Variants in GRID2 observed in about 807,000 individuals in gnomAD.
GRID2 encodes glutamate ionotropic receptor delta type subunit 2, also known as glutamate receptor ionotropic, delta-2.
A neutral mutation model predicts 114.8 loss-of-function variants in GRID2; 33 were observed. That is an observed-to-expected ratio of 0.29 (90% confidence interval 0.22 to 0.38). The LOEUF (loss-of-function observed/expected upper bound fraction) is 0.38. GRID2 is among the 10% of genes least tolerant of loss of function. GRID2 has a pLI of 1.00. For synonymous variants in GRID2, 505 were observed against 449.9 expected (o/e 1.12, Z -1.55); for missense variants, 1,184 against 1,257.7 (o/e 0.94, Z 0.89).
intron 1 of GRID2, among the ~76,000 whole-genome samples, chr4:92,384,580 A>T (rs1729818281): frequency 1.7e-5 from 1 of 57,986 alleles, no homozygotes; most frequent in Non-Finnish European, 3.0e-5. Context: ...TATATAAAAT[A>T]TATTATATTA....
intron 1 of GRID2, among the ~76,000 whole-genome samples, chr4:92,476,503 T>C (rs1722321047): frequency 6.6e-6 from 1 of 152,178 alleles, no homozygotes; most frequent in African/African-American, 2.4e-5. Context: ...ATATTAAAAT[T>C]GAATGATGGC....
chr4:92,394,913 T>G (rs1730420878), intron 1 of GRID2, among the ~76,000 whole-genome samples: 1 of 151,686 alleles, frequency 6.6e-6, no homozygotes, highest in African/African-American at 2.4e-5. Flanking sequence ...AATATTATTT[T>G]TAGTCTTCCT....
chr4:93,586,692 G>A (rs758413265), intron 13 of GRID2, among the ~76,000 whole-genome samples: 5 of 152,050 alleles, frequency 3.3e-5, no homozygotes, highest in South Asian at 4.1e-4. Context: ...TGGAGCTAGG[G>A]TTCAATCCTA....
intron 2 of GRID2, among the ~76,000 whole-genome samples, chr4:93,007,898 G>A (rs961527436): frequency 1.3e-5 from 2 of 151,628 alleles, no homozygotes; most frequent in Admixed American, 1.3e-4. Flanking sequence ...AAAATTAGCT[G>A]GCCATCATGG....
At chr4:92,793,206 C>T (rs771940087) in intron 2 of GRID2, among the ~76,000 whole-genome samples, 42 of 151,726 alleles carry the variant, frequency 2.8e-4, no homozygotes, top group Non-Finnish European at 5.2e-4. Context: ...CACTGCTTGT[C>T]ACTTTCACAT....
chr4:92,746,889 A>G (rs536698995), intron 2 of GRID2, among the ~76,000 whole-genome samples: 8 of 152,194 alleles, frequency 5.3e-5, no homozygotes, highest in African/African-American at 1.9e-4. Flanking sequence ...GGGCCTATGC[A>G]CACACTTCTT....
intron 1 of GRID2, among the ~76,000 whole-genome samples, chr4:92,554,750 A>G (rs1726768718): frequency 6.6e-6 from 1 of 152,180 alleles, no homozygotes; most frequent in Non-Finnish European, 1.5e-5. Flanking sequence ...AATGATCTGT[A>G]TAAATATTTT....
chr4:93,185,047 A>G (rs995465069), intron 4 of GRID2, among the ~76,000 whole-genome samples: 1 of 152,228 alleles, frequency 6.6e-6, no homozygotes, highest in African/African-American at 2.4e-5. Context: ...GGTTAGGATT[A>G]TTAGTTAGTG....
At chr4:92,361,832 A>C (rs188945220) in intron 1 of GRID2, among the ~76,000 whole-genome samples, 2 of 152,066 alleles carry the variant, frequency 1.3e-5, no homozygotes, top group East Asian at 3.9e-4. Context: ...TGCAACAGTA[A>C]TGTGGTATAC....
chr4:92,652,008 A>G (rs1002771539), intron 2 of GRID2, among the ~76,000 whole-genome samples: 9 of 152,078 alleles, frequency 5.9e-5, no homozygotes, highest in Non-Finnish European at 8.8e-5. Flanking sequence ...GGCTGTTTGG[A>G]CCACTTCTTC....
intron 2 of GRID2, among the ~76,000 whole-genome samples, chr4:92,767,609 G>C (rs971494460): frequency 2.6e-5 from 4 of 151,980 alleles, no homozygotes; most frequent in African/African-American, 9.7e-5. Flanking sequence ...AAACTAGCTG[G>C]GCATGGTGGT....
chr4:93,324,943 CT>C (rs1757664424), intron 8 of GRID2, among the ~76,000 whole-genome samples: 1 of 152,018 alleles, frequency 6.6e-6, no homozygotes, highest in Non-Finnish European at 1.5e-5. Flanking sequence ...CTTTATTAGT[CT>C]TGCTAGCGGT....
chr4:92,855,683 TG>T lies in GRID2; in HGVS notation c.245-229311del, dbSNP rs549992761. 1.2e-3 allele frequency among the ~76,000 whole-genome samples: 183 copies of T among 152,046 alleles called. 1 individual carries two copies. The highest frequency in any genetic ancestry group is 4.1e-3 in the African/African-American group (170 of 41,532). ...TTAATATAAATAGAAAAATAACCAT[TG>T]TTGTTTATAGGATTTTTATTAAACT... On this transcript the variant is annotated intron_variant, in intron 2 of 15. Transcript: ENST00000282020.
intron 8 of GRID2, among the ~76,000 whole-genome samples, chr4:93,267,944 A>G (rs2149562807): frequency 6.6e-6 from 1 of 152,112 alleles, no homozygotes; most frequent in South Asian, 2.1e-4. Flanking sequence ...CCCAAGTCAG[A>G]TCTGGGGTGT....
rs374791732 is a variant in GRID2 at position 93,644,878 on chromosome 4, GA to G, written c.2360+18452del. ...CAGAAGCATGCTTTTTGATCAGTTTGAAAAAAAAATATGCAATGAAATGAAA... is the reference window on the plus strand; with the variant it reads ...CAGAAGCATGCTTTTTGATCAGTTTGAAAAAAAATATGCAATGAAATGAAA... On this transcript the variant is annotated intron_variant, in intron 14 of 15. Transcript: ENST00000282020. Among the ~76,000 whole-genome samples the G allele has an allele frequency of 2.1e-4, 31 of 150,126 alleles. No homozygotes were observed. The East Asian group carries it at 3.1e-3, about 15-fold the overall frequency.
chr4:93,750,764 C>T (rs936150273), intron 14 of GRID2, among the ~76,000 whole-genome samples: 1 of 151,324 alleles, frequency 6.6e-6, no homozygotes. Flanking sequence ...TCAAAAAAAA[C>T]AAAAAGGTGG....
At chr4:92,333,107 C>T (rs1362123753) in intron 1 of GRID2, among the ~76,000 whole-genome samples, 2 of 152,250 alleles carry the variant, frequency 1.3e-5, no homozygotes, top group Admixed American at 6.5e-5. Flanking sequence ...CAAGTCTCTG[C>T]CTGGTCTCCC....
At chr4:93,298,861 C>T (rs1409836345) in intron 8 of GRID2, among the ~76,000 whole-genome samples, 7 of 152,332 alleles carry the variant, frequency 4.6e-5, no homozygotes, top group Non-Finnish European at 7.3e-5. Context: ...AGATACATGG[C>T]ATCTGCTTTT....
chr4:93,133,783 A>G (rs893345926), intron 4 of GRID2, among the ~76,000 whole-genome samples: 1 of 152,156 alleles, frequency 6.6e-6, no homozygotes, highest in Non-Finnish European at 1.5e-5. Flanking sequence ...ATGCTCCTAT[A>G]AATGGAGAAA....
Sources: gnomAD v4.1 joint callset for allele counts (sites outside exome capture counted in the v4.1 genomes callset) on GRCh38, gnomAD v4.1.1 for gene constraint, MANE v1.5 for transcripts, NCBI Gene and HGNC (gene_info 2026-07-23, HGNC 2026-07-21) for gene names.